CNTN5: variants seen among roughly 807,000 people sequenced by gnomAD.
CNTN5 encodes the protein contactin-5.
Under a neutral mutation model 129.1 loss-of-function variants are expected in CNTN5, and 77 were observed. The ratio of observed to expected loss-of-function variants is 0.60; its 90% CI spans 0.50 to 0.72. CNTN5 has a LOEUF of 0.72. Among genes scored for constraint, CNTN5 ranks in the 30% least tolerant of loss-of-function variants. CNTN5 has a pLI of 0.00. For synonymous variants in CNTN5, 509 were observed against 465.6 expected, an observed-to-expected ratio of 1.09 and a Z score of -1.20; for missense variants, 1,478 against 1,328.8, an observed-to-expected ratio of 1.11 and a Z score of -1.75.
At chr11:100,208,508 G>T (rs1469845508) in intron 15 of CNTN5, among the ~76,000 whole-genome samples, 1 of 152,072 alleles carries the variant, frequency 6.6e-6, no homozygotes, top group Non-Finnish European at 1.5e-5. Flanking sequence ...GACTCCTTAG[G>T]CCTAGACTCA....
intron 3 of CNTN5, among the ~76,000 whole-genome samples, chr11:99,717,069 T>C (rs1367505474): frequency 6.6e-6 from 1 of 152,088 alleles, no homozygotes; most frequent in African/African-American, 2.4e-5. Context: ...TGCTTTTTAC[T>C]CTATAGAATC....
chr11:99,959,333 A>T (rs1287226067), intron 8 of CNTN5, among the ~76,000 whole-genome samples: 1 of 152,156 alleles, frequency 6.6e-6, no homozygotes, highest in Non-Finnish European at 1.5e-5. Context: ...CTTAGACTGG[A>T]TTGCCTCACG....
intron 21 of CNTN5, among the ~76,000 whole-genome samples, chr11:100,312,874 G>A (rs1951496680): frequency 6.6e-6 from 1 of 151,972 alleles, no homozygotes; most frequent in African/African-American, 2.4e-5. Flanking sequence ...ATAAGGTTCT[G>A]ATCTTATGAA....
At chr11:100,353,046 C>T (rs568713845) in intron 24 of CNTN5, among the ~76,000 whole-genome samples, 1 of 151,656 alleles carries the variant, frequency 6.6e-6, no homozygotes, top group African/African-American at 2.4e-5. Flanking sequence ...ACTTTCAACT[C>T]CAACACAATC....
chr11:100,104,043 A>G (rs1945327463), intron 13 of CNTN5, among the ~76,000 whole-genome samples: 2 of 151,292 alleles, frequency 1.3e-5, no homozygotes, highest in Non-Finnish European at 2.9e-5. Flanking sequence ...CTCACATATT[A>G]TTTTAAAACA....
chr11:99,363,914 C>CA (rs1234876872), intron 2 of CNTN5, among the ~76,000 whole-genome samples: 4 of 151,944 alleles, frequency 2.6e-5, no homozygotes, highest in Non-Finnish European at 5.9e-5. Flanking sequence ...AAACAGAGAA[C>CA]AAAAATTCTC....
intron 18 of CNTN5, among the ~76,000 whole-genome samples, chr11:100,274,777 A>G (rs1449083118): frequency 6.6e-6 from 1 of 152,208 alleles, no homozygotes; most frequent in Non-Finnish European, 1.5e-5. Context: ...ACACTTATAC[A>G]CTGTTGGTGG....
chr11:99,099,782 A>T (rs1370582852), intron 1 of CNTN5, among the ~76,000 whole-genome samples: 1 of 152,184 alleles, frequency 6.6e-6, no homozygotes, highest in Non-Finnish European at 1.5e-5. Flanking sequence ...AAATGACACA[A>T]TACGTATAAA....
chr11:99,948,928 C>A (rs1950612460), intron 7 of CNTN5, among the ~76,000 whole-genome samples: 1 of 152,200 alleles, frequency 6.6e-6, no homozygotes, highest in African/African-American at 2.4e-5. Flanking sequence ...CCCCAGCCAG[C>A]AGCTAATAAC....
At chr11:100,229,929 A>G (rs1258968320) in intron 16 of CNTN5, among the ~76,000 whole-genome samples, 2 of 152,150 alleles carry the variant, frequency 1.3e-5, no homozygotes, top group Non-Finnish European at 2.9e-5. Flanking sequence ...AAGCCTTCAC[A>G]TGGTTGAGTA....
At chr11:99,937,381 G>A (rs775023136) in intron 7 of CNTN5, among the ~76,000 whole-genome samples, 37 of 152,194 alleles carry the variant, frequency 2.4e-4, no homozygotes, top group Admixed American at 2.0e-4. Flanking sequence ...TCGAAAATGA[G>A]TGCCGTTAGA....
intron 2 of CNTN5, among the ~76,000 whole-genome samples, chr11:99,500,645 T>C (rs1331229848): frequency 6.6e-6 from 1 of 152,180 alleles, no homozygotes; most frequent in Non-Finnish European, 1.5e-5. Flanking sequence ...TATTTTTTCA[T>C]GGCTACATAG....
At chr11:99,757,371 G>A (rs1944438345) in intron 3 of CNTN5, among the ~76,000 whole-genome samples, 3 of 151,080 alleles carry the variant, frequency 2.0e-5, no homozygotes, top group Admixed American at 2.0e-4. Flanking sequence ...TCTTCACATG[G>A]AGCTCTTTCT....
intron 17 of CNTN5, among the ~76,000 whole-genome samples, chr11:100,259,285 T>G (rs12279336): frequency 0.017 from 2,592 of 152,050 alleles, 75 homozygotes; most frequent in African/African-American, 0.059. Flanking sequence ...GGAGCACCCA[T>G]ATTCATAAAG....
chr11:100,321,628 G>A (rs1951698141), intron 21 of CNTN5, among the ~76,000 whole-genome samples: 1 of 151,982 alleles, frequency 6.6e-6, no homozygotes, highest in Non-Finnish European at 1.5e-5. Context: ...TCTTTTTCCA[G>A]ACCTTAAAGG....
chr11:99,921,392 C>T (rs1309465086), intron 7 of CNTN5, among the ~76,000 whole-genome samples: 19 of 152,166 alleles, frequency 1.2e-4, no homozygotes, highest in Admixed American at 1.2e-3. Flanking sequence ...ATTCCCTAGG[C>T]CTGGATCATG....
chr11:99,201,351 T>TCCCTTCCTTCCTTCCTTCCTTCCTTCC, intron 1 of CNTN5, among the ~76,000 whole-genome samples: 1 of 88,152 alleles, frequency 1.1e-5, no homozygotes. Context: ...CTTCCTTTCC[T>TCCCTTCCTTCCTTCCTTCCTTCCTTCC]TTCCTTCCTT....
At chr11:99,197,817 G>T (rs1451429580) in intron 1 of CNTN5, among the ~76,000 whole-genome samples, 1 of 152,058 alleles carries the variant, frequency 6.6e-6, no homozygotes, top group Non-Finnish European at 1.5e-5. Flanking sequence ...GGATTAACTT[G>T]TTTGATTTAT....
intron 6 of CNTN5, among the ~76,000 whole-genome samples, chr11:99,882,940 G>A (rs992339670): frequency 6.6e-6 from 1 of 151,990 alleles, no homozygotes; most frequent in Admixed American, 6.6e-5. Context: ...TTGAGTTTTA[G>A]ATCCTACAAA....
Sources: allele counts gnomAD v4.1 joint callset (sites outside exome capture counted in the v4.1 genomes callset), GRCh38; gene constraint gnomAD v4.1.1; transcripts MANE v1.5; gene names NCBI Gene and HGNC (gene_info 2026-07-23, HGNC 2026-07-21).